The following BCAS3 variants were observed in gnomAD, a reference collection of about 807,000 sequenced individuals.
BCAS3 encodes BCAS3 microtubule associated cell migration factor.
BCAS3 carries 53 observed loss-of-function variants against 116.1 expected under a neutral mutation model. The ratio of observed to expected loss-of-function variants is 0.46; its 90% CI spans 0.37 to 0.57. The LOEUF is 0.57. BCAS3 is among the 20% of genes least tolerant of loss of function. The pLI is 0.00. For synonymous variants in BCAS3, 391 were observed against 408.2 expected, an observed-to-expected ratio of 0.96 and a Z score of 0.51; for missense variants, 917 against 1,165.4, an observed-to-expected ratio of 0.79 and a Z score of 3.10.
chr17:61,385,591 G>A (rs943626500), intron 23 of BCAS3, among the ~76,000 whole-genome samples: 2 of 152,250 alleles, frequency 1.3e-5, no homozygotes, highest in Non-Finnish European at 2.9e-5. Flanking sequence ...AGAAGGTACT[G>A]AAGCTGTTGG....
At chr17:60,975,570 A>G (rs2062287806) in intron 14 of BCAS3, among the ~76,000 whole-genome samples, 1 of 152,210 alleles carries the variant, frequency 6.6e-6, no homozygotes, top group Non-Finnish European at 1.5e-5. Context: ...CATAAAGTTC[A>G]CCATTTTATA....
rs554017663 is a variant in BCAS3, at chr17:61,196,631, A to C, written c.2425+112067A>C. The stretch of plus-strand genomic sequence containing the variant: ...CACATAGACTTCCGATTCGAATTAG[A>C]AATGAAAAGAGGAGAGGAAAGGGAA... On this transcript the variant is annotated intron_variant, in intron 22 of 23. Transcript: ENST00000407086. This position sits in a 1 kb window ranked among gnomAD's most constrained non-coding sequence, Gnocchi z 4.7. Among the ~76,000 whole-genome samples, 1 of 152,308 alleles carries C rather than the reference A, an allele frequency of 6.6e-6. No individual in the cohort carries two copies. Among genetic ancestry groups the C allele is most frequent in the Non-Finnish European group, 1.5e-5 (1 of 68,032 alleles).
At position 61,208,488 on chromosome 17, in the gene BCAS3, T is replaced by G. The variant is rs1011510294; in HGVS notation, c.2425+123924T>G. Among the ~76,000 whole-genome samples, 6 of 152,338 alleles carry G rather than the reference T, an allele frequency of 3.9e-5. No individual in the cohort carries two copies. Among genetic ancestry groups the G allele is most frequent in the Non-Finnish European group, 4.4e-5 (3 of 68,030 alleles). On this transcript the variant is annotated intron_variant, in intron 22 of 23. Transcript: ENST00000407086. This position sits in a 1 kb window ranked among gnomAD's most constrained non-coding sequence, Gnocchi z 4.5. ...TTTTTCTTCTGTTGTGGACATTTCT[T>G]GTCCATAACAGCTTGAGTTTAACTC...
rs376612189 is a variant in BCAS3 at position 60,715,966 on chromosome 17, A to G, written c.321+6641A>G. Among the ~76,000 whole-genome samples the G allele has an allele frequency of 3.7e-4, 56 of 151,956 alleles. 1 individual carries two copies. The highest frequency in any genetic ancestry group is 1.3e-3 in the African/African-American group (55 of 41,426). ...CAGCCTCTGCCTCCCAGTTTCAAGC[A>G]GTTCTCCTGCCTCAGCCTCCTGAGT... On this transcript the variant is annotated intron_variant, in intron 5 of 23. Transcript: ENST00000407086.
intron 6 of BCAS3, among the ~76,000 whole-genome samples, chr17:60,783,250 G>A (rs2045984521): frequency 6.6e-6 from 1 of 152,028 alleles, no homozygotes; most frequent in Admixed American, 6.6e-5. Flanking sequence ...TTTTGCCCAG[G>A]TTGGAGTGCA....
chr17:60,697,995 C>T (rs1257956056), intron 4 of BCAS3, among the ~76,000 whole-genome samples: 43 of 151,824 alleles, frequency 2.8e-4, no homozygotes, highest in African/African-American at 9.0e-4. Context: ...CTGGCTAACA[C>T]GGTAAAACCC....
Position 60,847,170 on chromosome 17 carries a change from C to T in BCAS3, c.477-21406C>T, listed in dbSNP as rs555893346. Among the ~76,000 whole-genome samples the T allele has an allele frequency of 5.3e-5, 8 of 152,200 alleles. No individual in the cohort carries two copies. In the South Asian group the frequency reaches 6.2e-4, roughly 12 times the overall value. ...TCAGTACTTCATCCCTTTTTATGGCCGAATAATATTACATTGTATATTTTG... is the reference window on the plus strand; with the variant it reads ...TCAGTACTTCATCCCTTTTTATGGCTGAATAATATTACATTGTATATTTTG... On this transcript the variant is annotated intron_variant, in intron 7 of 23. Transcript: ENST00000407086.
chr17:60,713,757 C>T (rs554567998), intron 5 of BCAS3, among the ~76,000 whole-genome samples: 13 of 152,260 alleles, frequency 8.5e-5, no homozygotes, highest in African/African-American at 3.1e-4. Context: ...GCATGATGGA[C>T]TTTGGTATTC....
chr17:60,978,091 T>G (rs1203271560), intron 14 of BCAS3, among the ~76,000 whole-genome samples: 1 of 123,426 alleles, frequency 8.1e-6, no homozygotes, highest in Non-Finnish European at 1.6e-5. Flanking sequence ...ACTTCCACAA[T>G]GGTTGAACTA....
At chr17:61,103,571 A>T (rs944223299) in intron 22 of BCAS3, among the ~76,000 whole-genome samples, 1 of 152,210 alleles carries the variant, frequency 6.6e-6, no homozygotes, top group Non-Finnish European at 1.5e-5. Flanking sequence ...CATTTTACTC[A>T]GCCTAAAAAG....
rs1392236368 is a variant in BCAS3 at position 61,106,711 on chromosome 17, A to G, written c.2425+22147A>G. 6.6e-6 allele frequency among the ~76,000 whole-genome samples: 1 copy of G among 152,224 alleles called. No individual in the cohort carries two copies. The highest frequency in any genetic ancestry group is 1.9e-4 in the East Asian group (1 of 5,202). ...TTTGAAACTTGCTTCATTTATTGTT[A>G]GCAGATTTCCTTCAAGTCATTAAAT... On this transcript the variant is annotated intron_variant, in intron 22 of 23. Transcript: ENST00000407086. The surrounding 1 kb of genome is among the most constrained non-coding windows in gnomAD (Gnocchi z 4.2).
In BCAS3 at chr17:61,309,803, G is replaced by GC. The variant is rs1022060739; in HGVS notation, c.2426-58518dup. Among the ~76,000 whole-genome samples, 6 of 152,098 alleles carry GC rather than the reference G, an allele frequency of 3.9e-5. No individual in the cohort carries two copies. The highest frequency in any genetic ancestry group is 7.4e-5 in the Non-Finnish European group (5 of 68,022). On this transcript the variant is annotated intron_variant, in intron 22 of 23. Coordinates refer to ENST00000407086, the MANE Select transcript of BCAS3 (RefSeq NM_017679.5). This position sits in a 1 kb window ranked among gnomAD's most constrained non-coding sequence, Gnocchi z 4.6. ...CAGGGTGACAAGAGGGAGCCCGAGA[G>GC]CCCCCCATGAATCTGTCTGCACCCT... is the stretch of plus-strand genomic sequence containing the variant.
chr17:61,166,902 T>C (rs1221544252), intron 22 of BCAS3, among the ~76,000 whole-genome samples: 2 of 151,628 alleles, frequency 1.3e-5, no homozygotes, highest in Non-Finnish European at 2.9e-5. Flanking sequence ...GTTGTTGTTG[T>C]AGAGATGGAG....
chr17:60,953,735 A>AT (rs536582159), intron 14 of BCAS3, among the ~76,000 whole-genome samples: 13,671 of 137,642 alleles, frequency 0.099, 2,208 homozygotes, highest in African/African-American at 0.33. Context: ...TCTTGAGTTG[A>AT]TTTTTTTTTT....
intron 13 of BCAS3, among the ~76,000 whole-genome samples, chr17:60,926,894 C>T (rs373576063): frequency 7.9e-5 from 12 of 152,234 alleles, no homozygotes; most frequent in African/African-American, 1.7e-4. Flanking sequence ...TGTGTTTATA[C>T]GATAAGGTTA....
At chr17:61,009,272 T>C (rs1027541077) in intron 15 of BCAS3, among the ~76,000 whole-genome samples, 2 of 152,052 alleles carry the variant, frequency 1.3e-5, no homozygotes, top group African/African-American at 4.8e-5. Flanking sequence ...TACTTATCTC[T>C]AATACTCTAA....
At chr17:61,297,885 G>C (rs921955092) in intron 22 of BCAS3, among the ~76,000 whole-genome samples, 1 of 151,670 alleles carries the variant, frequency 6.6e-6, no homozygotes, top group Non-Finnish European at 1.5e-5. Context: ...AAGGGATGTC[G>C]TCCCCTAAAA....
rs765946704 is a variant in BCAS3 at position 61,198,676 on chromosome 17, A to T, written c.2425+114112A>T. ...AGCTTCTGTGCATTTACTTTTAGTT[A>T]ATCTGTTTGATTTGAATACACTGTT... On this transcript the variant is annotated intron_variant, in intron 22 of 23. Transcript: ENST00000407086. This position sits in a 1 kb window ranked among gnomAD's most constrained non-coding sequence, Gnocchi z 5.0. 7.2e-4 allele frequency among the ~76,000 whole-genome samples: 110 copies of T among 152,306 alleles called. No individual in the cohort carries two copies. The highest frequency in any genetic ancestry group is 3.4e-3 in the Middle Eastern group (1 of 294).
At chr17:61,345,844 A>G (rs1034381775) in intron 22 of BCAS3, among the ~76,000 whole-genome samples, 1 of 152,190 alleles carries the variant, frequency 6.6e-6, no homozygotes, top group African/African-American at 2.4e-5. Flanking sequence ...CTTGAGGCCA[A>G]ACAGCATGAT....
Sources: allele counts gnomAD v4.1 joint callset (sites outside exome capture counted in the v4.1 genomes callset), GRCh38; gene constraint gnomAD v4.1.1; non-coding constraint Gnocchi (gnomAD v3.1); transcripts MANE v1.5; gene names NCBI Gene and HGNC (gene_info 2026-07-23, HGNC 2026-07-21).